Variants in TYMS observed in about 807,000 individuals in gnomAD.
TYMS encodes the protein thymidylate synthase.
Under a neutral mutation model 39.3 loss-of-function variants are expected in TYMS, and 21 were observed. The ratio of observed to expected loss-of-function variants is 0.54; its 90% confidence interval spans 0.38 to 0.77. TYMS has a LOEUF of 0.77. Among genes scored for constraint, TYMS ranks in the 30% least tolerant of loss-of-function variants. The probability of loss-of-function intolerance (pLI) is 0.00; values close to 1 mark genes in which losing one functional copy is unlikely to be tolerated. For missense variants in TYMS, 273 were observed against 406.7 expected (o/e 0.67, Z 2.83); for synonymous variants, 171 against 162.2 (o/e 1.05, Z -0.41).
chr18:658,625 T>G lies in TYMS; in HGVS notation c.205+678T>G. The G allele has an allele frequency of 4.5e-6, 1 of 220,108 alleles. No homozygotes were observed. The highest frequency in any genetic ancestry group is 2.6e-5 in the African/African-American group (1 of 38,124). 13.6% of individuals were successfully genotyped at this position (220,108 alleles called of 1,614,324 possible). On this transcript the variant is annotated intron_variant, in intron 1 of 6. Coordinates refer to ENST00000323274, the MANE Select transcript of TYMS (RefSeq NM_001071.4). This position sits in a 1 kb window ranked among gnomAD's most constrained non-coding sequence, Gnocchi z 4.5. ...CTCGCGGGTCATTGGCGCCAGGCTT[T>G]CAGGGGACAGTGGGGCGGGGCGGGG...
rs1254164312 is a variant in TYMS at position 667,599 on chromosome 18, GGT to G, written c.455-1471_455-1470del. 15 of 104,508 alleles carry G rather than the reference GGT, an allele frequency of 1.4e-4. 3 individuals carry two copies. The highest frequency in any genetic ancestry group is 3.8e-4 in the East Asian group (1 of 2,616). The allele number at this position is 104,508 out of a possible 1,614,324, so 6.5% of individuals were successfully genotyped here. A position where few individuals can be genotyped will look rare whatever the true frequency, so the allele number is the denominator to read the frequency against. ...TGGTGATGGTGATGGTGATGGTGAT[GGT>G]GATGGTGATGGAGATGGGTGATGGT... is the stretch of plus-strand genomic sequence containing the variant. On this transcript the variant is annotated intron_variant, in intron 3 of 6. Coordinates refer to ENST00000323274, the MANE Select transcript of TYMS (RefSeq NM_001071.4).
chr18:662,636 G>A (rs573761855), intron 3 of TYMS, among the ~76,000 whole-genome samples: 1 of 151,340 alleles, frequency 6.6e-6, no homozygotes, highest in East Asian at 2.0e-4. Flanking sequence ...CTAGCATCAG[G>A]TATATCTCCC....
Position 673,040 on chromosome 18 carries a change from G to A in TYMS, c.*43G>A, listed in dbSNP as rs2075138642. On this transcript the variant is annotated 3_prime_UTR_variant, in exon 7 of 7. Coordinates refer to ENST00000323274, the MANE Select transcript of TYMS (RefSeq NM_001071.4). The stretch of plus-strand genomic sequence containing the variant: ...TCGAAGGATATTGTCAGTCTTTAGG[G>A]GTTGGGCTGGATGCCGAGGTAAAAG... 6.8e-7 allele frequency: 1 copy of A among 1,461,270 alleles called. No individual in the cohort carries two copies. The highest frequency in any genetic ancestry group is 9.2e-7 in the Non-Finnish European group (1 of 1,089,522). 90.5% of individuals were successfully genotyped at this position (1,461,270 alleles called of 1,614,324 possible).
intron 6 of TYMS, chr18:672,080 T>G (rs1247528542): frequency 6.6e-6 from 1 of 152,256 alleles, no homozygotes; most frequent in Non-Finnish European, 1.5e-5. Context: ...ACCCTGGCCA[T>G]AAATATTTTT....
At chr18:668,189 CACT>C (rs1379556923) in intron 3 of TYMS, among the ~76,000 whole-genome samples, 5 of 151,930 alleles carry the variant, frequency 3.3e-5, no homozygotes, top group African/African-American at 1.2e-4. Flanking sequence ...CTCTTGTAAC[CACT>C]ACAATCAAGT....
rs567710557 is a variant in TYMS at position 666,055 on chromosome 18, A to G, written c.455-3017A>G. On this transcript the variant is annotated intron_variant, in intron 3 of 6. Transcript: ENST00000323274. ...TCCGCTTAGTGCAGAGCTGAGTTCAATTCCTGGGTATCCTTGTTAACTTTC... is the reference window on the plus strand; with the variant it reads ...TCCGCTTAGTGCAGAGCTGAGTTCAGTTCCTGGGTATCCTTGTTAACTTTC... Among the ~76,000 whole-genome samples the G allele has an allele frequency of 7.5e-4, 74 of 98,160 alleles. 16 individuals carry two copies. The highest frequency in any genetic ancestry group is 1.1e-3 in the Non-Finnish European group (57 of 52,908). 64.4% of individuals were successfully genotyped at this position (98,160 alleles called of 152,430 possible).
intron 6 of TYMS, chr18:671,727 G>A (rs2612099): frequency 0.35 from 155,307 of 444,976 alleles, 29,386 homozygotes; most frequent in East Asian, 0.66. Flanking sequence ...GTCCAAAAGG[G>A]GGCATTTTAA....
Position 662,282 on chromosome 18 carries a change from G to A in TYMS, c.416G>A (p.Trp139Ter). ...TTGGGCCCAGTTTATGGCTTCCAGT[G>A]GAGGCATTTTGGGGCAGAATACAGA... ...GDLGPVYGFQ[W>*]RHFGAEYRDM... Residue 139 changes from tryptophan to a stop codon, truncating the protein, a stop_gained, in exon 3 of 7, where the codon TGG becomes TAG. Transcript: ENST00000323274. LOFTEE classifies it high-confidence loss of function. 6.2e-7 allele frequency: 1 copy of A among 1,613,608 alleles called. No homozygotes were observed. The highest frequency in any genetic ancestry group is 8.5e-7 in the Non-Finnish European group (1 of 1,179,878).
intron 2 of TYMS, 95 bp from the exon 3 acceptor site, chr18:662,051 G>T (rs2074761423): frequency 2.2e-6 from 3 of 1,358,976 alleles, no homozygotes; most frequent in Non-Finnish European, 2.0e-6. Flanking sequence ...AGTCAGCAGG[G>T]GCCAGAGGCC....
rs1046048081 is a variant in TYMS, at chr18:658,058, T to C, written c.205+111T>C. 7.6e-6 allele frequency: 12 copies of C among 1,571,028 alleles called. No homozygotes were observed. Among genetic ancestry groups the C allele is most frequent in the Non-Finnish European group, 1.0e-5 (12 of 1,160,960 alleles). ...GGACCCCGTTTAGTCCTAACCTCAA[T>C]CCTGCGAGGGAGGGGACGCATCGTC... On this transcript the variant is annotated intron_variant, in intron 1 of 6. Transcript: ENST00000323274. This position sits in a 1 kb window ranked among gnomAD's most constrained non-coding sequence, Gnocchi z 4.5.
At chr18:662,524 ATT>A (rs2074767307) in intron 3 of TYMS, among the ~76,000 whole-genome samples, 2 of 100,902 alleles carry the variant, frequency 2.0e-5, no homozygotes, top group Admixed American at 9.4e-5. Context: ...TTTTTTTTTA[ATT>A]ATTATACTTT....
chr18:670,045 AT>A (rs34118802), intron 4 of TYMS, among the ~76,000 whole-genome samples: 1,530 of 138,460 alleles, frequency 0.011, 16 homozygotes, highest in Non-Finnish European at 0.015. Flanking sequence ...ATAGAGACTT[AT>A]TTTTTTTTTT....
intron 1 of TYMS, 124 bp from the exon 2 acceptor site, chr18:659,517 C>A: frequency 1.3e-6 from 1 of 780,718 alleles, no homozygotes; most frequent in South Asian, 1.6e-5. Flanking sequence ...GCCCACTTTG[C>A]GGGAGTCTAG....
chr18:669,008 A>AG, intron 3 of TYMS, 64 bp from the exon 4 acceptor site: 1 of 1,390,328 alleles, frequency 7.2e-7, no homozygotes, highest in South Asian at 1.2e-5. Context: ...ATGACCTCTA[A>AG]GGCCATCTCA....
chr18:669,215 C>G, intron 4 of TYMS, 42 bp downstream of exon 4: 1 of 1,562,446 alleles, frequency 6.4e-7, no homozygotes, highest in Non-Finnish European at 8.8e-7. Flanking sequence ...TAACCATACT[C>G]TTAGAGGGAA....
At position 660,129 on chromosome 18, in the gene TYMS, G is replaced by C. The variant is rs1162443408; in HGVS notation, c.279+415G>C. Among the ~76,000 whole-genome samples the C allele has an allele frequency of 1.3e-5, 2 of 152,124 alleles. No homozygotes were observed. The highest frequency in any genetic ancestry group is 2.4e-5 in the African/African-American group (1 of 41,428). The stretch of plus-strand genomic sequence containing the variant: ...ATCATTCCTCACCCTCAAGCCCTTA[G>C]TGGCTCCATTTCACTCAGTAAGAGC... On this transcript the variant is annotated intron_variant, in intron 2 of 6. Transcript: ENST00000323274. The surrounding 1 kb of genome is among the most constrained non-coding windows in gnomAD (Gnocchi z 4.6).
chr18:667,149 T>A (rs287602), intron 3 of TYMS, among the ~76,000 whole-genome samples: 183 of 68,020 alleles, frequency 2.7e-3, no homozygotes, highest in African/African-American at 5.5e-3. Context: ...ATGGTGATGG[T>A]GATGGTGATG....
Position 673,060 on chromosome 18 carries a change from TAA to T in TYMS, c.*66_*67del. ...TTAGGGGTTGGGCTGGATGCCGAGGTAAAAGTTCTTTTTGCTCTAAAAGAAAA... is the reference window on the plus strand; with the variant it reads ...TTAGGGGTTGGGCTGGATGCCGAGGTAAGTTCTTTTTGCTCTAAAAGAAAA... On this transcript the variant is annotated 3_prime_UTR_variant, in exon 7 of 7. Transcript: ENST00000323274. The T allele has an allele frequency of 7.0e-7, 1 of 1,431,622 alleles. No individual in the cohort carries two copies. The highest frequency in any genetic ancestry group is 2.2e-5 in the Admixed American group (1 of 46,036). 88.7% of individuals were successfully genotyped at this position (1,431,622 alleles called of 1,614,324 possible).
At chr18:666,222 T>C (rs938218112) in intron 3 of TYMS, among the ~76,000 whole-genome samples, 4 of 151,454 alleles carry the variant, frequency 2.6e-5, no homozygotes, top group African/African-American at 9.8e-5. Flanking sequence ...CATCGGCAGA[T>C]AGCTGCATGG....
Sources: allele counts gnomAD v4.1 joint callset (sites outside exome capture counted in the v4.1 genomes callset), GRCh38; gene constraint gnomAD v4.1.1; non-coding constraint Gnocchi (gnomAD v3.1); transcripts MANE v1.5; gene names NCBI Gene and HGNC (gene_info 2026-07-23, HGNC 2026-07-21).